BCAS3: variants seen among roughly 807,000 people sequenced by gnomAD.
BCAS3 encodes the protein BCAS3 microtubule associated cell migration factor, also known as BCAS4/BCAS3 fusion.
BCAS3 carries 53 observed loss-of-function variants against 116.1 expected under a neutral mutation model. The ratio of observed to expected loss-of-function variants is 0.46; its 90% CI spans 0.37 to 0.57. The LOEUF (loss-of-function observed/expected upper bound fraction) is 0.57, where lower values mean the gene tolerates loss of function less well. Ranked by LOEUF, BCAS3 falls within the 20% of genes least tolerant of loss-of-function variation. BCAS3 has a pLI of 0.00. For synonymous variants in BCAS3, 391 were observed against 408.2 expected (o/e 0.96, Z 0.51); for missense variants, 917 against 1,165.4 (o/e 0.79, Z 3.10).
chr17:60,776,703 A>C (rs2045322634), intron 6 of BCAS3, among the ~76,000 whole-genome samples: 1 of 137,172 alleles, frequency 7.3e-6, no homozygotes, highest in African/African-American at 2.8e-5. Context: ...TGGGTGATAG[A>C]GTGAGACTCC....
At chr17:61,322,866 G>A (rs201565905) in intron 22 of BCAS3, among the ~76,000 whole-genome samples, 1 of 146,974 alleles carries the variant, frequency 6.8e-6, no homozygotes, top group South Asian at 2.1e-4. Context: ...CAGAGAGAGA[G>A]AGAGAGAGAG....
chr17:60,889,594 T>C lies in BCAS3; in HGVS notation c.662-101T>C, dbSNP rs561847432. 6 of 950,350 alleles carry C rather than the reference T, an allele frequency of 6.3e-6. No individual in the cohort carries two copies. The South Asian group carries it at 9.0e-5, about 14-fold the overall frequency. 58.9% of individuals were successfully genotyped at this position (950,350 alleles called of 1,614,324 possible). A position where few individuals can be genotyped will look rare whatever the true frequency, so the allele number is the denominator to read the frequency against. ...GAATTTTATGTGAGACTTGAAAAAA[T>C]ATAAGCATTTGATTTTTCTGTTTTT... is the stretch of plus-strand genomic sequence containing the variant. On this transcript the variant is annotated intron_variant, in intron 9 of 23. Coordinates refer to ENST00000407086, the MANE Select transcript of BCAS3 (RefSeq NM_017679.5).
At chr17:61,269,008 A>G (rs1318837558) in intron 22 of BCAS3, among the ~76,000 whole-genome samples, 2 of 151,652 alleles carry the variant, frequency 1.3e-5, no homozygotes, top group Admixed American at 1.3e-4. Flanking sequence ...TTCTTTATCC[A>G]TTTATCCATC....
intron 7 of BCAS3, among the ~76,000 whole-genome samples, chr17:60,825,471 A>C (rs1012809400): frequency 6.7e-6 from 1 of 149,210 alleles, no homozygotes; most frequent in South Asian, 2.1e-4. Context: ...CTGTAACAAA[A>C]TACCACAAAC....
chr17:61,149,362 T>C (rs1232745148), intron 22 of BCAS3, among the ~76,000 whole-genome samples: 1 of 152,166 alleles, frequency 6.6e-6, no homozygotes, highest in Admixed American at 6.5e-5. Flanking sequence ...TCGAGAAGAA[T>C]TGTATTGCTT....
At chr17:60,931,288 T>G (rs1173035548) in intron 13 of BCAS3, among the ~76,000 whole-genome samples, 1 of 152,140 alleles carries the variant, frequency 6.6e-6, no homozygotes, top group Non-Finnish European at 1.5e-5. Flanking sequence ...TTATTTTTAT[T>G]TTTTTGAGAT....
At position 61,063,894 on chromosome 17, in the gene BCAS3, T is replaced by A. The variant is rs1190858177; in HGVS notation, c.2030-11026T>A. On this transcript the variant is annotated intron_variant, in intron 19 of 23. Transcript: ENST00000407086. The surrounding 1 kb of genome is among the most constrained non-coding windows in gnomAD (Gnocchi z 5.3). Reference sequence around the variant, plus strand: ...ATCTTCAATACCATCTTGTCCCTTCTTAAAACGAACTATCCATTTGTAAAC... The same window carrying A: ...ATCTTCAATACCATCTTGTCCCTTCATAAAACGAACTATCCATTTGTAAAC... Among the ~76,000 whole-genome samples the A allele has an allele frequency of 6.6e-6, 1 of 152,206 alleles. No homozygotes were observed. The highest frequency in any genetic ancestry group is 2.4e-5 in the African/African-American group (1 of 41,454).
At chr17:61,075,724 T>C (rs2071914351) in intron 20 of BCAS3, among the ~76,000 whole-genome samples, 1 of 152,182 alleles carries the variant, frequency 6.6e-6, no homozygotes, top group African/African-American at 2.4e-5. Flanking sequence ...GGGATTTGTT[T>C]TGTGGAGCCA....
intron 19 of BCAS3, among the ~76,000 whole-genome samples, chr17:61,050,064 A>C (rs1036028410): frequency 2.0e-4 from 30 of 152,136 alleles, no homozygotes; most frequent in African/African-American, 6.3e-4. Context: ...GAAAGAAAAT[A>C]ACCATCAACC....
At chr17:60,902,920 G>A (rs1211062731) in intron 11 of BCAS3, among the ~76,000 whole-genome samples, 2 of 152,198 alleles carry the variant, frequency 1.3e-5, no homozygotes, top group Admixed American at 6.5e-5. Flanking sequence ...TGGATTCTCT[G>A]TGATTTGCAT....
rs1196396325 is a variant in BCAS3 at position 61,392,265 on chromosome 17, C to T, written c.*140C>T. On this transcript the variant is annotated 3_prime_UTR_variant, in exon 24 of 24. Coordinates refer to ENST00000407086, the MANE Select transcript of BCAS3 (RefSeq NM_017679.5). The surrounding 1 kb of genome is among the most constrained non-coding windows in gnomAD (Gnocchi z 6.4). ...AAGCTTAGTGACAGCAGCCGCCCAT[C>T]CTACCTGGATGGAGAAGAGACCCTT... 12 of 1,049,256 alleles carry T rather than the reference C, an allele frequency of 1.1e-5. No homozygotes were observed. The highest frequency in any genetic ancestry group is 8.3e-5 in the Admixed American group (3 of 36,120). 65.0% of individuals were successfully genotyped at this position (1,049,256 alleles called of 1,614,324 possible).
At chr17:60,691,406 C>CCTCTCT (rs138400928) in intron 4 of BCAS3, among the ~76,000 whole-genome samples, 1 of 148,454 alleles carries the variant, frequency 6.7e-6, no homozygotes, top group Non-Finnish European at 1.5e-5. Flanking sequence ...TTGTTAGTTT[C>CCTCTCT]CTCTCTCTCT....
At chr17:60,761,888 G>A (rs1470540863) in intron 6 of BCAS3, among the ~76,000 whole-genome samples, 2 of 148,766 alleles carry the variant, frequency 1.3e-5, no homozygotes, top group Admixed American at 1.3e-4. Flanking sequence ...ACTTTTTAAT[G>A]ATTGCCATTC....
intron 13 of BCAS3, among the ~76,000 whole-genome samples, chr17:60,943,012 AAATT>A (rs1198487543): frequency 2.0e-5 from 3 of 152,198 alleles, no homozygotes; most frequent in African/African-American, 7.2e-5. Flanking sequence ...GTCCATAGAT[AAATT>A]ATTTATTTTT....
At chr17:60,750,227 G>C (rs189616313) in intron 6 of BCAS3, among the ~76,000 whole-genome samples, 1 of 151,946 alleles carries the variant, frequency 6.6e-6, no homozygotes. Flanking sequence ...AAGAAAACCT[G>C]TATGATCATC....
intron 13 of BCAS3, among the ~76,000 whole-genome samples, chr17:60,925,747 A>C (rs976590981): frequency 6.6e-6 from 1 of 152,144 alleles, no homozygotes; most frequent in Non-Finnish European, 1.5e-5. Context: ...ACCAATTTTC[A>C]CAGTAAGGAG....
chr17:60,981,677 C>CA (rs1483453515), intron 14 of BCAS3, among the ~76,000 whole-genome samples: 2 of 152,122 alleles, frequency 1.3e-5, no homozygotes, highest in Admixed American at 6.5e-5. Flanking sequence ...TAATAGCAAA[C>CA]ATCTTTGTAT....
At chr17:60,776,594 C>A (rs904846578) in intron 6 of BCAS3, among the ~76,000 whole-genome samples, 7 of 151,800 alleles carry the variant, frequency 4.6e-5, no homozygotes, top group African/African-American at 1.7e-4. Context: ...TGGCGTGCAC[C>A]TGTAATCCCA....
rs1328069763 is a variant in BCAS3 at position 61,368,961 on chromosome 17, T to A, written c.2593+467T>A. On this transcript the variant is annotated intron_variant, in intron 23 of 23. Transcript: ENST00000407086. The surrounding 1 kb of genome is among the most constrained non-coding windows in gnomAD (Gnocchi z 6.0). ...CTTTTCCTCATGCTGCCTTTGGCCTTGCATTCTTGCCTCTGAGCGAGTCCA... is the reference window on the plus strand; with the variant it reads ...CTTTTCCTCATGCTGCCTTTGGCCTAGCATTCTTGCCTCTGAGCGAGTCCA... 6.6e-6 allele frequency among the ~76,000 whole-genome samples: 1 copy of A among 152,164 alleles called. No individual in the cohort carries two copies. The highest frequency in any genetic ancestry group is 2.4e-5 in the African/African-American group (1 of 41,448).
Sources: allele counts gnomAD v4.1 joint callset (sites outside exome capture counted in the v4.1 genomes callset), GRCh38; gene constraint gnomAD v4.1.1; non-coding constraint Gnocchi (gnomAD v3.1); transcripts MANE v1.5; gene names NCBI Gene and HGNC (gene_info 2026-07-23, HGNC 2026-07-21).